Variants in CELSR1 observed in about 807,000 individuals in gnomAD.
The protein encoded by CELSR1 is cadherin EGF LAG seven-pass G-type receptor 1.
In CELSR1, 110 loss-of-function variants were observed where a neutral mutation model predicts 249.1. The ratio of observed to expected loss-of-function variants is 0.44; its 90% confidence interval spans 0.38 to 0.52. The LOEUF is 0.52. CELSR1 is among the 20% of genes least tolerant of loss of function. The pLI is 0.00. For missense variants in CELSR1, 4,109 were observed against 4,296.4 expected (o/e 0.96, Z 1.22); for synonymous variants, 2,113 against 1,900.0 (o/e 1.11, Z -2.92).
Position 46,417,349 on chromosome 22 carries a change from G to A in CELSR1, c.4612-5590C>T, listed in dbSNP as rs1446520952. Among the ~76,000 whole-genome samples the A allele has an allele frequency of 6.6e-6, 1 of 152,192 alleles. No individual in the cohort carries two copies. The highest frequency in any genetic ancestry group is 6.5e-5 in the Admixed American group (1 of 15,282). ...TTCCAGAATTCAAACTGGCCTCCCA[G>A]GAGCCTCGGACAGGACTTTGCCAGA... On this transcript the variant is annotated intron_variant, in intron 5 of 34. Transcript: ENST00000674500. This position sits in a 1 kb window ranked among gnomAD's most constrained non-coding sequence, Gnocchi z 4.1.
rs1466329092 is a variant in CELSR1, at chr22:46,535,105, T to C, written c.2066A>G (p.Gln689Arg). Residue 689 changes from glutamine to arginine, a missense_variant, in exon 1 of 35, where the codon CAG (glutamine) becomes CGG (arginine). By Grantham distance (43) the Gln-to-Arg change is conservative. Coordinates refer to ENST00000674500, the MANE Select transcript of CELSR1 (RefSeq NM_001378328.1). ...DVNDNDPVFT[Q>R]PTYELRLNED... Reference sequence around the variant, plus strand: ...ATTCAGACGAAGCTCGTAGGTGGGCTGCGTGAACACCGGGTCGTTGTCATT... The same window carrying C: ...ATTCAGACGAAGCTCGTAGGTGGGCCGCGTGAACACCGGGTCGTTGTCATT... 6.2e-7 allele frequency: 1 copy of C among 1,612,010 alleles called. No homozygotes were observed. Among genetic ancestry groups the C allele is most frequent in the Admixed American group, 1.7e-5 (1 of 59,980 alleles).
intron 1 of CELSR1, among the ~76,000 whole-genome samples, chr22:46,524,070 G>A (rs932863577): frequency 2.0e-5 from 3 of 152,286 alleles, no homozygotes; most frequent in East Asian, 1.9e-4. Context: ...CCAGGGCCTC[G>A]CCACTGACAG....
chr22:46,369,913 C>A, intron 25 of CELSR1, 109 bp from the exon 26 acceptor site: 1 of 913,748 alleles, frequency 1.1e-6, no homozygotes. Flanking sequence ...CATCTCCCTT[C>A]TCAGAGGAAG....
chr22:46,428,547 G>A lies in CELSR1; in HGVS notation c.4611+4846C>T, dbSNP rs781136936. Among the ~76,000 whole-genome samples the A allele has an allele frequency of 2.0e-5, 3 of 152,154 alleles. No individual in the cohort carries two copies. The highest frequency in any genetic ancestry group is 4.4e-5 in the Non-Finnish European group (3 of 68,034). On this transcript the variant is annotated intron_variant, in intron 5 of 34. Transcript: ENST00000674500. The surrounding 1 kb of genome is among the most constrained non-coding windows in gnomAD (Gnocchi z 5.7). ...TTCTCATCCAGGGCATGACCTCAGG[G>A]GCCTGACAATGATGAAGACCTCTTG... is the stretch of plus-strand genomic sequence containing the variant.
In CELSR1 at chr22:46,488,230, C is replaced by T. The variant is rs2080334493; in HGVS notation, c.3545-23885G>A. Among the ~76,000 whole-genome samples, 1 of 151,970 alleles carries T rather than the reference C, an allele frequency of 6.6e-6. No homozygotes were observed. Among genetic ancestry groups the T allele is most frequent in the African/African-American group, 2.4e-5 (1 of 41,346 alleles). On this transcript the variant is annotated intron_variant, in intron 1 of 34. Coordinates refer to ENST00000674500, the MANE Select transcript of CELSR1 (RefSeq NM_001378328.1). The surrounding 1 kb of genome is among the most constrained non-coding windows in gnomAD (Gnocchi z 4.7). ...CATCCATCCTATTGTCTCACTGAAACTCATGACAGTGGGAGGTGAAGGTGA... is the reference window on the plus strand; with the variant it reads ...CATCCATCCTATTGTCTCACTGAAATTCATGACAGTGGGAGGTGAAGGTGA...
In CELSR1 at chr22:46,506,793, C is replaced by T. The variant is rs1214967704; in HGVS notation, c.3544+26834G>A. 2.0e-5 allele frequency among the ~76,000 whole-genome samples: 3 copies of T among 152,194 alleles called. No individual in the cohort carries two copies. The highest frequency in any genetic ancestry group is 4.4e-5 in the Non-Finnish European group (3 of 68,050). On this transcript the variant is annotated intron_variant, in intron 1 of 34. Transcript: ENST00000674500. This position sits in a 1 kb window ranked among gnomAD's most constrained non-coding sequence, Gnocchi z 4.1. ...GCTGAGATCTCTCCGGAAAGATGCCCGATAACAGGAAGCTGAGGCCAAGCC... is the reference window on the plus strand; with the variant it reads ...GCTGAGATCTCTCCGGAAAGATGCCTGATAACAGGAAGCTGAGGCCAAGCC...
At position 46,536,984 on chromosome 22, in the gene CELSR1, C is replaced by T. The variant is rs2080865704; in HGVS notation, c.187G>A (p.Glu63Lys). Residue 63 changes from glutamate to lysine, a missense_variant, in exon 1 of 35, where the codon GAG (glutamate) becomes AAG (lysine). This residue lies in a region of CELSR1 where 673 missense variants were observed against 636.8 expected (regional missense o/e 1.06). Coordinates refer to ENST00000674500, the MANE Select transcript of CELSR1 (RefSeq NM_001378328.1). ...CCATCGCGGCCCACGTCCAGCAGCT[C>T]CCGCGGCGCCCGGGGCGTGCAAGCG... ...GAACTPRAPR[E>K]LLDVGRDGRL... The T allele has an allele frequency of 8.9e-7, 1 of 1,125,266 alleles. No individual in the cohort carries two copies. Among genetic ancestry groups the T allele is most frequent in the Non-Finnish European group, 1.1e-6 (1 of 921,808 alleles). The allele number at this position is 1,125,266 out of a possible 1,614,324, so 69.7% of individuals were successfully genotyped here.
chr22:46,441,977 C>T lies in CELSR1; in HGVS notation c.4184-2566G>A, dbSNP rs372578877. 1.3e-3 allele frequency among the ~76,000 whole-genome samples: 192 copies of T among 152,262 alleles called. No individual in the cohort carries two copies. Among genetic ancestry groups the T allele is most frequent in the African/African-American group, 4.4e-3 (183 of 41,558 alleles). On this transcript the variant is annotated intron_variant, in intron 2 of 34. Transcript: ENST00000674500. This position sits in a 1 kb window ranked among gnomAD's most constrained non-coding sequence, Gnocchi z 6.1. ...CAGCCTAACCAACATGGTGAAACCTCATCTCTACTAAAAATACAAAATTAG... is the reference window on the plus strand; with the variant it reads ...CAGCCTAACCAACATGGTGAAACCTTATCTCTACTAAAAATACAAAATTAG...
intron 30 of CELSR1, 88 bp from the exon 31 acceptor site, chr22:46,365,777 C>A: frequency 2.0e-6 from 2 of 978,078 alleles, no homozygotes; most frequent in South Asian, 1.6e-5. Context: ...TCTGCCCCTA[C>A]CCCTTCTGTG....
At chr22:46,452,859 GC>G (rs565000171) in intron 2 of CELSR1, among the ~76,000 whole-genome samples, 314 of 152,364 alleles carry the variant, frequency 2.1e-3, no homozygotes, top group African/African-American at 7.2e-3. Flanking sequence ...CCACTGTCGG[GC>G]AGGCGGGGCT....
chr22:46,366,350 A>G, intron 30 of CELSR1, 36 bp downstream of exon 30: 1 of 1,478,788 alleles, frequency 6.8e-7, no homozygotes, highest in Non-Finnish European at 9.1e-7. Context: ...AGGGAGTTCG[A>G]GAGCCACCTC....
intron 1 of CELSR1, among the ~76,000 whole-genome samples, chr22:46,516,719 C>A (rs2080631796): frequency 6.6e-6 from 1 of 152,158 alleles, no homozygotes; most frequent in Admixed American, 6.5e-5. Context: ...TGTTATGTGG[C>A]TCCTCCGGCC....
intron 1 of CELSR1, among the ~76,000 whole-genome samples, chr22:46,485,388 T>A (rs1234176253): frequency 6.6e-6 from 1 of 152,048 alleles, no homozygotes; most frequent in African/African-American, 2.4e-5. Context: ...TCCCTCTCCC[T>A]GAGGCTAATG....
intron 22 of CELSR1, among the ~76,000 whole-genome samples, chr22:46,379,759 C>CACA (rs1444558615): frequency 6.6e-6 from 1 of 152,204 alleles, no homozygotes; most frequent in African/African-American, 2.4e-5. Context: ...ATGGGGGCAG[C>CACA]GTTCCTGCTG....
intron 5 of CELSR1, among the ~76,000 whole-genome samples, chr22:46,419,807 A>G (rs1281893807): frequency 1.3e-5 from 2 of 149,044 alleles, no homozygotes; most frequent in Non-Finnish European, 3.0e-5. Context: ...ACCCATGCAC[A>G]TGCACTCATA....
intron 1 of CELSR1, among the ~76,000 whole-genome samples, chr22:46,467,986 T>C (rs6008847): frequency 0.46 from 69,191 of 151,818 alleles, 15,912 homozygotes; most frequent in South Asian, 0.53. Flanking sequence ...CTACTTTTTG[T>C]AACAAAAGAA....
intron 2 of CELSR1, among the ~76,000 whole-genome samples, chr22:46,459,496 C>T (rs1454064312): frequency 1.3e-5 from 2 of 152,176 alleles, no homozygotes; most frequent in Non-Finnish European, 2.9e-5. Context: ...TAAACCTGGC[C>T]GGCCGTTGAC....
chr22:46,376,537 G>C (rs2078919915), intron 24 of CELSR1, among the ~76,000 whole-genome samples: 6 of 152,090 alleles, frequency 3.9e-5, no homozygotes, highest in Admixed American at 3.3e-4. Context: ...ACCACGCCCA[G>C]CTAATTTTTG....
At position 46,536,597 on chromosome 22, in the gene CELSR1, C is replaced by T. The variant is rs2080859516; in HGVS notation, c.574G>A (p.Gly192Ser). The change falls in exon 1 of 35, where the codon GGC becomes AGC. Residue 192 changes from glycine to serine, a missense_variant. Physicochemically the swap from Gly to Ser is moderately conservative, Grantham distance 56 (BLOSUM62 0). This residue lies in a region of CELSR1 where 673 missense variants were observed against 636.8 expected (regional missense o/e 1.06). Coordinates refer to ENST00000674500, the MANE Select transcript of CELSR1 (RefSeq NM_001378328.1). ...RLLCALRRAA[G>S]AVRVGLALEA... ...AGCGCCAGTCCCACCCGGACGGCGCCAGCCGCGCGCCGCAGGGCGCACAGC... is the reference window on the plus strand; with the variant it reads ...AGCGCCAGTCCCACCCGGACGGCGCTAGCCGCGCGCCGCAGGGCGCACAGC... The T allele has an allele frequency of 7.6e-6, 9 of 1,187,100 alleles. No homozygotes were observed. The highest frequency in any genetic ancestry group is 9.4e-6 in the Non-Finnish European group (9 of 961,878). The allele number at this position is 1,187,100 out of a possible 1,614,324, so 73.5% of individuals were successfully genotyped here.
Sources: gnomAD v4.1 joint callset for allele counts (sites outside exome capture counted in the v4.1 genomes callset) on GRCh38, gnomAD v4.1.1 for gene constraint, gnomAD v4.1.1 regional missense constraint, Gnocchi (gnomAD v3.1) non-coding constraint, MANE v1.5 for transcripts, NCBI Gene and HGNC (gene_info 2026-07-23, HGNC 2026-07-21) for gene names.